INPP4B: variants seen among roughly 807,000 people sequenced by gnomAD.
The protein encoded by INPP4B is inositol polyphosphate-4-phosphatase type II B, also known as inositol polyphosphate 4-phosphatase type II.
Under a neutral mutation model 122.5 loss-of-function variants are expected in INPP4B, and 55 were observed. The observed-to-expected ratio is 0.45, with a 90% CI of 0.36 to 0.56. INPP4B has a LOEUF of 0.56. INPP4B is among the 20% of genes least tolerant of loss of function. The pLI is 0.00. For synonymous variants in INPP4B, 403 were observed against 388.7 expected (o/e 1.04, Z -0.43); for missense variants, 1,000 against 1,097.7 (o/e 0.91, Z 1.26).
intron 25 of INPP4B, among the ~76,000 whole-genome samples, chr4:142,072,794 G>A (rs148245012): frequency 7.9e-5 from 12 of 152,108 alleles, no homozygotes; most frequent in African/African-American, 2.9e-4. Flanking sequence ...TATTAGATGA[G>A]GATGCTGGTG....
At chr4:142,454,079 T>C (rs566857955) in intron 3 of INPP4B, among the ~76,000 whole-genome samples, 14 of 152,234 alleles carry the variant, frequency 9.2e-5, no homozygotes, top group African/African-American at 3.4e-4. Flanking sequence ...ATATGATTTA[T>C]GTCACTGAAC....
chr4:142,683,853 G>A (rs1480210183), intron 2 of INPP4B, among the ~76,000 whole-genome samples: 4 of 151,896 alleles, frequency 2.6e-5, no homozygotes, highest in African/African-American at 4.8e-5. Flanking sequence ...TCTGTGCTTG[G>A]GAAAGGGAGA....
rs1277678550 is a variant in INPP4B at position 142,753,154 on chromosome 4, T to A, written c.-253-27253A>T. Among the ~76,000 whole-genome samples the A allele has an allele frequency of 2.6e-5, 4 of 152,198 alleles. No homozygotes were observed. The South Asian group carries it at 6.2e-4, about 24-fold the overall frequency. ...GTTTAAAAAATACTCAACACAATAG[T>A]TTTATAAGACCGTTCTTACACCAAC... On this transcript the variant is annotated intron_variant, in intron 1 of 25. Coordinates refer to ENST00000262992, the MANE Select transcript of INPP4B (RefSeq NM_001101669.3).
At chr4:142,370,791 A>G (rs1789612726) in intron 7 of INPP4B, among the ~76,000 whole-genome samples, 1 of 152,148 alleles carries the variant, frequency 6.6e-6, no homozygotes, top group South Asian at 2.1e-4. Context: ...GGAAGAGGAC[A>G]CAAACAAATG....
At chr4:142,654,840 C>G (rs567056460) in intron 2 of INPP4B, among the ~76,000 whole-genome samples, 317 of 152,280 alleles carry the variant, frequency 2.1e-3, no homozygotes, top group African/African-American at 7.0e-3. Flanking sequence ...GGTGCAGATC[C>G]TGTCTTCAAA....
At chr4:142,287,203 A>C (rs1018672715) in intron 9 of INPP4B, 6 of 152,160 alleles carry the variant, frequency 3.9e-5, no homozygotes, top group African/African-American at 1.4e-4. Context: ...GTGCTTCTGA[A>C]GTTTCTGGCA....
chr4:142,074,475 A>G lies in INPP4B; in HGVS notation c.2642+7556T>C, dbSNP rs550737879. 3.9e-5 allele frequency among the ~76,000 whole-genome samples: 6 copies of G among 152,252 alleles called. No individual in the cohort carries two copies. In the South Asian group the frequency reaches 1.2e-3, roughly 32 times the overall value. On this transcript the variant is annotated intron_variant, in intron 25 of 25. Coordinates refer to ENST00000262992, the MANE Select transcript of INPP4B (RefSeq NM_001101669.3). ...TTGTGGCTTATAAATTAGTATAGCT[A>G]TTTGGAAAAGCAATCTGGCAGCATC... is the stretch of plus-strand genomic sequence containing the variant.
At chr4:142,806,050 C>T (rs1377443252) in intron 1 of INPP4B, among the ~76,000 whole-genome samples, 1 of 151,496 alleles carries the variant, frequency 6.6e-6, no homozygotes, top group Non-Finnish European at 1.5e-5. Context: ...GAGGCCTAGG[C>T]GGGCGGATCA....
chr4:142,064,110 A>C (rs986137590), intron 25 of INPP4B, among the ~76,000 whole-genome samples: 2 of 152,222 alleles, frequency 1.3e-5, no homozygotes, highest in African/African-American at 2.4e-5. Context: ...GTGTACTATA[A>C]TAATTCAACC....
chr4:142,141,370 A>G (rs1039133), intron 18 of INPP4B, among the ~76,000 whole-genome samples: 17,823 of 152,176 alleles, frequency 0.12, 1,613 homozygotes, highest in African/African-American at 0.25. Context: ...CTAAGGTTCT[A>G]ATATTCACTG....
At chr4:142,272,196 A>T (rs901707663) in intron 9 of INPP4B, among the ~76,000 whole-genome samples, 3 of 152,084 alleles carry the variant, frequency 2.0e-5, no homozygotes, top group Non-Finnish European at 2.9e-5. Flanking sequence ...TTTTAGTATT[A>T]AAAGTGTCAG....
intron 23 of INPP4B, among the ~76,000 whole-genome samples, chr4:142,101,326 C>A (rs985652345): frequency 1.3e-5 from 2 of 152,054 alleles, no homozygotes; most frequent in African/African-American, 4.8e-5. Context: ...GCACACACAG[C>A]TGGTGCCATC....
chr4:142,278,476 C>A (rs950629756), intron 9 of INPP4B, among the ~76,000 whole-genome samples: 1 of 151,838 alleles, frequency 6.6e-6, no homozygotes, highest in African/African-American at 2.4e-5. Context: ...TGCCCCAGCT[C>A]TCAAGTAGTC....
intron 15 of INPP4B, among the ~76,000 whole-genome samples, chr4:142,178,776 A>AG (rs1829465443): frequency 6.6e-6 from 1 of 151,674 alleles, no homozygotes; most frequent in Non-Finnish European, 1.5e-5. Flanking sequence ...AAGTGTCCAG[A>AG]GAAAAAAAAA....
chr4:142,313,156 T>G (rs535806686), intron 8 of INPP4B, among the ~76,000 whole-genome samples: 1 of 151,954 alleles, frequency 6.6e-6, no homozygotes, highest in Admixed American at 6.5e-5. Context: ...TTAAAATAAT[T>G]AAGATGGATT....
intron 5 of INPP4B, among the ~76,000 whole-genome samples, chr4:142,409,479 C>T (rs942712937): frequency 5.6e-5 from 8 of 144,048 alleles, no homozygotes; most frequent in African/African-American, 1.3e-4. Flanking sequence ...GGCAACAGAG[C>T]GAGACTCCTT....
At position 142,429,666 on chromosome 4, in the gene INPP4B, G is replaced by C. The variant is rs1045994193; in HGVS notation, c.92-449C>G. On this transcript the variant is annotated intron_variant, in intron 4 of 25. Transcript: ENST00000262992. ...AAAGAGGTATCTTCAGCTAGGTTAT[G>C]ATGGACATTGTAGTGCTGGTTATTC... Among the ~76,000 whole-genome samples, 8 of 152,048 alleles carry C rather than the reference G, an allele frequency of 5.3e-5. No homozygotes were observed. The South Asian group carries it at 1.4e-3, about 28-fold the overall frequency.
chr4:142,178,596 T>C (rs1399567952), intron 15 of INPP4B, among the ~76,000 whole-genome samples: 1 of 152,112 alleles, frequency 6.6e-6, no homozygotes, highest in Admixed American at 6.6e-5. Flanking sequence ...AAGCTACTAT[T>C]TTATGCAGTG....
rs146221245 is a variant in INPP4B at position 142,359,553 on chromosome 4, T to A, written c.372+43385A>T. 3.9e-5 allele frequency among the ~76,000 whole-genome samples: 6 copies of A among 152,098 alleles called. No individual in the cohort carries two copies. The East Asian group carries it at 1.2e-3, about 29-fold the overall frequency. On this transcript the variant is annotated intron_variant, in intron 7 of 25. Transcript: ENST00000262992. ...TTTTACCCTCCCAAATTCCTATTCC[T>A]TTATTTTCACTGATTGTAACAAAGG... is the stretch of plus-strand genomic sequence containing the variant.
Sources: gnomAD v4.1 joint callset for allele counts (sites outside exome capture counted in the v4.1 genomes callset) on GRCh38, gnomAD v4.1.1 for gene constraint, MANE v1.5 for transcripts, NCBI Gene and HGNC (gene_info 2026-07-23, HGNC 2026-07-21) for gene names.